Variants in TNFSF4 observed in about 807,000 individuals in gnomAD.
The protein encoded by TNFSF4 is TNF superfamily member 4.
A neutral mutation model predicts 7.3 loss-of-function variants in TNFSF4; 4 were observed. That is an observed-to-expected ratio of 0.55 (90% CI 0.27 to 1.25). The LOEUF is 1.25. TNFSF4 is among the 50% of genes most tolerant of loss of function. The pLI, the probability that TNFSF4 is intolerant of heterozygous loss-of-function variation, is 0.12. For missense variants in TNFSF4, 181 were observed against 208.8 expected, an observed-to-expected ratio of 0.87 and a Z score of 0.82; for synonymous variants, 76 against 83.7, an observed-to-expected ratio of 0.91 and a Z score of 0.50.
Position 173,207,266 on chromosome 1 carries a change from G to A in TNFSF4, c.-90C>T. 7.6e-7 allele frequency: 1 copy of A among 1,319,206 alleles called. No individual in the cohort carries two copies. The highest frequency in any genetic ancestry group is 1.1e-6 in the Non-Finnish European group (1 of 948,600). 81.7% of individuals were successfully genotyped at this position (1,319,206 alleles called of 1,614,324 possible). On this transcript the variant is annotated 5_prime_UTR_variant, in exon 1 of 3. Coordinates refer to ENST00000281834, the MANE Select transcript of TNFSF4 (RefSeq NM_003326.5). ...TTTTCCCCAGAAAGAAGGAGGTAAA[G>A]ACAAAACAAAGCCTATCAATCAGAA...
At chr1:173,210,986 A>G (rs1415107946), upstream of TNFSF4, among the ~76,000 whole-genome samples, 1 of 152,192 alleles carries the variant, frequency 6.6e-6, no homozygotes, top group Non-Finnish European at 1.5e-5. Flanking sequence ...CTCTTTTTCT[A>G]ATTTATAAAC....
chr1:173,305,287 T>G, the TNFSF4 span, among the ~76,000 whole-genome samples: 3 of 151,976 alleles, frequency 2.0e-5, no homozygotes, highest in Non-Finnish European at 4.4e-5. Flanking sequence ...AGTTTTTCAG[T>G]ATCTCCATGT....
chr1:173,297,162 A>G, the TNFSF4 span, among the ~76,000 whole-genome samples: 1 of 152,078 alleles, frequency 6.6e-6, no homozygotes, highest in Non-Finnish European at 1.5e-5. Context: ...ATTGGAGTAC[A>G]GAGAAAGGTA....
At chr1:173,423,106 CTTAA>C in the TNFSF4 span, among the ~76,000 whole-genome samples, 5 of 152,016 alleles carry the variant, frequency 3.3e-5, no homozygotes, top group African/African-American at 1.2e-4. Context: ...CATGTTATAT[CTTAA>C]TTAAGTTATT....
the TNFSF4 span, among the ~76,000 whole-genome samples, chr1:173,345,676 T>C: frequency 6.6e-6 from 1 of 152,210 alleles, no homozygotes; most frequent in Non-Finnish European, 1.5e-5. Context: ...TCTTGAAAGA[T>C]GGACTAAATG....
the TNFSF4 span, among the ~76,000 whole-genome samples, chr1:173,323,472 G>A: frequency 6.6e-6 from 1 of 152,178 alleles, no homozygotes; most frequent in Non-Finnish European, 1.5e-5. Context: ...TCCTCCAAAG[G>A]AACGCAGCTC....
intron 1 of TNFSF4, among the ~76,000 whole-genome samples, chr1:173,202,070 T>TATATATACACA (rs150074641): frequency 0.016 from 2,421 of 149,510 alleles, 32 homozygotes; most frequent in Admixed American, 0.029. Context: ...TATATATATA[T>TATATATACACA]ACACACACAC....
At chr1:173,266,207 T>C in the TNFSF4 span, among the ~76,000 whole-genome samples, 5 of 152,180 alleles carry the variant, frequency 3.3e-5, no homozygotes, top group African/African-American at 1.2e-4. Context: ...ATTTGAAGGC[T>C]GGGTGTGAAT....
At chr1:173,442,119 G>A in the TNFSF4 span, 1 of 152,328 alleles carries the variant, frequency 6.6e-6, no homozygotes, top group Non-Finnish European at 1.5e-5. Flanking sequence ...GGAGAGTGAT[G>A]AAAAACCTGA....
intron 2 of TNFSF4, 98 bp downstream of exon 2, chr1:173,188,423 T>A (rs1649323435): frequency 2.1e-6 from 2 of 971,294 alleles, no homozygotes; most frequent in African/African-American, 3.3e-5. Context: ...TTCCTTCCCT[T>A]AGGAAAAGAA....
the TNFSF4 span, among the ~76,000 whole-genome samples, chr1:173,270,180 T>G: frequency 6.6e-6 from 1 of 152,202 alleles, no homozygotes; most frequent in Non-Finnish European, 1.5e-5. Flanking sequence ...AGGAGCAGAT[T>G]TGGGGGAAAA....
chr1:173,271,003 G>A, the TNFSF4 span, among the ~76,000 whole-genome samples: 3 of 152,096 alleles, frequency 2.0e-5, no homozygotes, highest in Non-Finnish European at 4.4e-5. Context: ...GCTGCATCGA[G>A]TTTAAGCCAC....
the TNFSF4 span, among the ~76,000 whole-genome samples, chr1:173,323,458 C>G: frequency 6.6e-6 from 1 of 152,208 alleles, no homozygotes; most frequent in African/African-American, 2.4e-5. Context: ...CAGAGTGCCT[C>G]TCCTCCTCCA....
chr1:173,233,770 T>C, the TNFSF4 span, among the ~76,000 whole-genome samples: 2 of 152,246 alleles, frequency 1.3e-5, no homozygotes, highest in Admixed American at 1.3e-4. Context: ...CTAGATCCCT[T>C]CCTTACACCT....
At chr1:173,188,605 A>C in intron 1 of TNFSF4, 36 bp from the exon 2 acceptor site, 1 of 1,563,942 alleles carries the variant, frequency 6.4e-7, no homozygotes, top group Non-Finnish European at 8.8e-7. Context: ...TTAGGAAAAA[A>C]ACATGAACAA....
chr1:173,279,504 A>G, the TNFSF4 span, among the ~76,000 whole-genome samples: 8 of 152,140 alleles, frequency 5.3e-5, no homozygotes, highest in East Asian at 1.9e-4. Flanking sequence ...CACATATCCA[A>G]CTGCCTCTGG....
chr1:173,355,824 T>C, the TNFSF4 span, among the ~76,000 whole-genome samples: 1 of 152,242 alleles, frequency 6.6e-6, no homozygotes, highest in African/African-American at 2.4e-5. Context: ...GGAGACCTGC[T>C]ACAGGGAAGC....
At chr1:173,342,487 C>A in the TNFSF4 span, among the ~76,000 whole-genome samples, 4 of 151,692 alleles carry the variant, frequency 2.6e-5, no homozygotes, top group South Asian at 8.4e-4. Flanking sequence ...TCCTTTTTGA[C>A]AAAACCACAA....
the TNFSF4 span, among the ~76,000 whole-genome samples, chr1:173,392,307 C>T: frequency 6.6e-6 from 1 of 152,110 alleles, no homozygotes; most frequent in African/African-American, 2.4e-5. Context: ...TGAATAAACA[C>T]AGTACTCTTC....
Sources: gnomAD v4.1 joint callset for allele counts (sites outside exome capture counted in the v4.1 genomes callset) on GRCh38, gnomAD v4.1.1 for gene constraint, MANE v1.5 for transcripts, NCBI Gene and HGNC (gene_info 2026-07-23, HGNC 2026-07-21) for gene names.